MACO1: variants seen among roughly 807,000 people sequenced by gnomAD.
MACO1 encodes macoilin 1.
A neutral mutation model predicts 78.7 loss-of-function variants in MACO1; 14 were observed. The ratio of observed to expected loss-of-function variants is 0.18; its 90% confidence interval spans 0.12 to 0.28. MACO1 has a LOEUF of 0.28. Among genes scored for constraint, MACO1 ranks in the 10% least tolerant of loss-of-function variants. The pLI, the probability that MACO1 is intolerant of heterozygous loss-of-function variation, is 1.00. For missense variants in MACO1, 501 were observed against 799.0 expected (o/e 0.63, Z 4.50); for synonymous variants, 288 against 291.6 (o/e 0.99, Z 0.12).
chr1:25,467,447 C>A (rs1376365809), intron 6 of MACO1, among the ~76,000 whole-genome samples: 3 of 152,062 alleles, frequency 2.0e-5, no homozygotes, highest in Non-Finnish European at 4.4e-5. Context: ...CTTTCAGTTT[C>A]CTTGTTAAGG....
At chr1:25,477,119 G>C (rs1435462235) in intron 6 of MACO1, among the ~76,000 whole-genome samples, 1 of 152,220 alleles carries the variant, frequency 6.6e-6, no homozygotes, top group Non-Finnish European at 1.5e-5. Context: ...AAGAAGCCCA[G>C]CACAGGGCGA....
At chr1:25,491,288 C>T (rs1029394581) in intron 9 of MACO1, 122 bp from the exon 10 acceptor site, 237 of 1,347,480 alleles carry the variant, frequency 1.8e-4, no homozygotes, top group Non-Finnish European at 2.3e-4. Context: ...CATGAAACAC[C>T]AGATTTTGTG....
Position 25,485,568 on chromosome 1 carries a change from G to T in MACO1, c.1314-45G>T. 1 of 1,580,864 alleles carries T rather than the reference G, an allele frequency of 6.3e-7. No individual in the cohort carries two copies. Among genetic ancestry groups the T allele is most frequent in the Non-Finnish European group, 8.6e-7 (1 of 1,163,170 alleles). On this transcript the variant is annotated intron_variant, in intron 7 of 10. Transcript: ENST00000374343. The surrounding 1 kb of genome is among the most constrained non-coding windows in gnomAD (Gnocchi z 4.3). ...GATGTTTCTCAAGGGTTTATAGTGG[G>T]CATTTGTAATTTTAAGACTTTATAT...
At chr1:25,444,786 T>C (rs1428377075) in intron 1 of MACO1, among the ~76,000 whole-genome samples, 1 of 152,004 alleles carries the variant, frequency 6.6e-6, no homozygotes, top group African/African-American at 2.4e-5. Flanking sequence ...GGGGTCTCAC[T>C]ATGTTGCCCA....
chr1:25,439,202 A>G (rs766600275), intron 1 of MACO1, among the ~76,000 whole-genome samples: 10 of 152,142 alleles, frequency 6.6e-5, no homozygotes, highest in Non-Finnish European at 1.3e-4. Flanking sequence ...AGTGAAAGGC[A>G]TAAGATACCC....
intron 1 of MACO1, 28 bp downstream of exon 1, chr1:25,431,206 G>C: frequency 1.3e-6 from 2 of 1,567,114 alleles, no homozygotes; most frequent in South Asian, 1.2e-5. Flanking sequence ...CACTCCGCGG[G>C]CGCGGGCCCT....
Position 25,430,927 on chromosome 1 carries a change from G to T in MACO1, c.-172G>T, listed in dbSNP as rs1025513671. The T allele has an allele frequency of 4.2e-6, 2 of 476,716 alleles. No individual in the cohort carries two copies. The highest frequency in any genetic ancestry group is 7.4e-6 in the Non-Finnish European group (2 of 268,596). 29.5% of individuals were successfully genotyped at this position (476,716 alleles called of 1,614,324 possible). The stretch of plus-strand genomic sequence containing the variant: ...TTCTTTGTTTCCGAAGGCGGAGGAG[G>T]CTCCGAGCCCCCCCTCCCCGTGCTA... On this transcript the variant is annotated 5_prime_UTR_variant, in exon 1 of 11. Transcript: ENST00000374343.
In MACO1 at chr1:25,433,384, T is replaced by C. The variant is rs573474159; in HGVS notation, c.80+2206T>C. Among the ~76,000 whole-genome samples, 18 of 152,290 alleles carry C rather than the reference T, an allele frequency of 1.2e-4. No homozygotes were observed. The East Asian group carries it at 3.3e-3, about 28-fold the overall frequency. ...ACTAGAATGCTTGAGGATTCATGAA[T>C]ATCAAATTTCTGGTGATCATCAAAT... On this transcript the variant is annotated intron_variant, in intron 1 of 10. Coordinates refer to ENST00000374343, the MANE Select transcript of MACO1 (RefSeq NM_018202.6).
chr1:25,489,228 A>C lies in MACO1; in HGVS notation c.1552A>C (p.Lys518Gln). The change falls in exon 9 of 11, where the codon AAG becomes CAG. Residue 518 changes from lysine (K) to glutamine (Q), a missense_variant. By Grantham distance (53) the Lys-to-Gln change is moderately conservative (BLOSUM62 1). Transcript: ENST00000374343. ...GATCAGAGAACTAGAAGCAGAGGGC[A>C]AGAAGCTCACGATGGACATGAAGGT... Reference protein sequence around the residue: ...NRIRELEAEGKKLTMDMKVKE... With the variant: ...NRIRELEAEGQKLTMDMKVKE... 1 of 1,614,164 alleles carries C rather than the reference A, an allele frequency of 6.2e-7. No individual in the cohort carries two copies. Among genetic ancestry groups the C allele is most frequent in the Non-Finnish European group, 8.5e-7 (1 of 1,180,004 alleles).
At chr1:25,462,007 C>T (rs1186323388) in intron 6 of MACO1, among the ~76,000 whole-genome samples, 2 of 152,120 alleles carry the variant, frequency 1.3e-5, no homozygotes, top group African/African-American at 4.8e-5. Context: ...CCTTAGCCGT[C>T]GCCTCTGTTT....
At chr1:25,457,146 T>A (rs1322537877) in intron 5 of MACO1, among the ~76,000 whole-genome samples, 1 of 152,036 alleles carries the variant, frequency 6.6e-6, no homozygotes, top group African/African-American at 2.4e-5. Context: ...CTCTGTTGCC[T>A]AAGCTGGAGT....
chr1:25,448,472 A>G (rs943922748), intron 2 of MACO1, among the ~76,000 whole-genome samples: 4 of 152,168 alleles, frequency 2.6e-5, no homozygotes, highest in African/African-American at 4.8e-5. Flanking sequence ...TCAAAAAAGA[A>G]AAAAGAAAAA....
chr1:25,467,731 ATT>A (rs34155576), intron 6 of MACO1, among the ~76,000 whole-genome samples: 1,910 of 134,106 alleles, frequency 0.014, 24 homozygotes, highest in African/African-American at 0.034. Context: ...TAGAATGATG[ATT>A]TTTTTTTTTT....
intron 9 of MACO1, among the ~76,000 whole-genome samples, chr1:25,489,699 C>T (rs1252138897): frequency 6.6e-6 from 1 of 152,166 alleles, no homozygotes; most frequent in Non-Finnish European, 1.5e-5. Flanking sequence ...TTGTTCATAG[C>T]AGTGAATGAT....
chr1:25,436,817 ACAGT>A (rs1257605825), intron 1 of MACO1, among the ~76,000 whole-genome samples: 3 of 152,222 alleles, frequency 2.0e-5, no homozygotes, highest in East Asian at 3.8e-4. Context: ...GCCTTTGAAG[ACAGT>A]CATAGTACTG....
Position 25,448,905 on chromosome 1 carries a change from A to T in MACO1, c.320A>T (p.Tyr107Phe), listed in dbSNP as rs1284568535. Residue 107 changes from tyrosine (Y) to phenylalanine (F), a missense_variant, in exon 3 of 11, where the codon TAT (tyrosine) becomes TTT (phenylalanine). Tyr to Phe is a conservative substitution (Grantham distance 22). Coordinates refer to ENST00000374343, the MANE Select transcript of MACO1 (RefSeq NM_018202.6). ...TGGCTTTTTTTTGCTGCTAGCACAT[A>T]TGTATGGGTTCAGTACGTATGGCAC... The part of the protein sequence containing the change: ...IQWLFFAAST[Y>F]VWVQYVWHTE... 1 of 1,542,084 alleles carries T rather than the reference A, an allele frequency of 6.5e-7. No individual in the cohort carries two copies. Among genetic ancestry groups the T allele is most frequent in the Non-Finnish European group, 8.8e-7 (1 of 1,130,580 alleles).
chr1:25,466,941 A>T (rs1432481963), intron 6 of MACO1, among the ~76,000 whole-genome samples: 3 of 152,140 alleles, frequency 2.0e-5, no homozygotes, highest in Non-Finnish European at 4.4e-5. Context: ...GGAATATTCC[A>T]TGGCAGGCCA....
At chr1:25,445,298 C>CA (rs200267893) in intron 1 of MACO1, among the ~76,000 whole-genome samples, 1,354 of 107,056 alleles carry the variant, frequency 0.013, 16 homozygotes, top group African/African-American at 0.037. Flanking sequence ...GACCCTGTCT[C>CA]AAAAAAAAAA....
At chr1:25,478,316 A>AT (rs1293994483) in intron 6 of MACO1, among the ~76,000 whole-genome samples, 3 of 152,116 alleles carry the variant, frequency 2.0e-5, no homozygotes, top group Non-Finnish European at 4.4e-5. Context: ...ACTCAAAGAT[A>AT]TTTTTCCTCT....
Sources: allele counts gnomAD v4.1 joint callset (sites outside exome capture counted in the v4.1 genomes callset), GRCh38; gene constraint gnomAD v4.1.1; non-coding constraint Gnocchi (gnomAD v3.1); transcripts MANE v1.5; gene names NCBI Gene and HGNC (gene_info 2026-07-23, HGNC 2026-07-21).